Variants in MAP2K5 observed in about 807,000 individuals in gnomAD.
MAP2K5 encodes the protein mitogen-activated protein kinase kinase 5.
In MAP2K5, 49 loss-of-function variants were observed where a neutral mutation model predicts 83.1. The ratio of observed to expected loss-of-function variants is 0.59; its 90% CI spans 0.47 to 0.75. The LOEUF is 0.75. MAP2K5 is among the 30% of genes least tolerant of loss of function. The pLI, the probability that MAP2K5 is intolerant of heterozygous loss-of-function variation, is 0.00. For missense variants in MAP2K5, 457 were observed against 557.5 expected, an observed-to-expected ratio of 0.82 and a Z score of 1.82; for synonymous variants, 202 against 191.8, an observed-to-expected ratio of 1.05 and a Z score of -0.44.
intron 2 of MAP2K5, among the ~76,000 whole-genome samples, chr15:67,560,156 A>G (rs1220095015): frequency 6.6e-6 from 1 of 152,176 alleles, no homozygotes; most frequent in African/African-American, 2.4e-5. Context: ...ACCCTTCACT[A>G]ACTTTTCGTA....
intron 16 of MAP2K5, among the ~76,000 whole-genome samples, chr15:67,704,134 G>A (rs1301930537): frequency 1.3e-5 from 2 of 152,148 alleles, no homozygotes; most frequent in South Asian, 2.1e-4. Context: ...AAAAATGCAT[G>A]TAACTTATAT....
intron 8 of MAP2K5, 116 bp from the exon 9 acceptor site, chr15:67,630,772 T>G (rs1453013175): frequency 1.4e-6 from 1 of 705,034 alleles, no homozygotes; most frequent in Non-Finnish European, 2.5e-6. Context: ...TAGTGTTCTT[T>G]GAAAGTACCA....
chr15:67,603,630 C>T (rs2141030683), intron 8 of MAP2K5, among the ~76,000 whole-genome samples: 1 of 152,264 alleles, frequency 6.6e-6, no homozygotes, highest in South Asian at 2.1e-4. Flanking sequence ...CATTTTTGCT[C>T]AGGCTTCAGC....
intron 19 of MAP2K5, among the ~76,000 whole-genome samples, chr15:67,756,422 A>G (rs2089835090): frequency 6.6e-6 from 1 of 152,126 alleles, no homozygotes; most frequent in Admixed American, 6.5e-5. Flanking sequence ...TAGAAAGTAT[A>G]TATAAGGTGT....
chr15:67,620,998 ATAGGT>A lies in MAP2K5; in HGVS notation c.546-9883_546-9879del, dbSNP rs200160236. Among the ~76,000 whole-genome samples the A allele has an allele frequency of 8.5e-3, 1,288 of 152,284 alleles. 41 individuals are homozygous for A. Among genetic ancestry groups the A allele is most frequent in the Admixed American group, 0.062 (953 of 15,294 alleles). ...ATAAGTAGAGTAATATTAGCAGCTAATAGGTTAGGTTGCATTTTTTAAAATACAGT... is the reference window on the plus strand; with the variant it reads ...ATAAGTAGAGTAATATTAGCAGCTAATAGGTTGCATTTTTTAAAATACAGT... On this transcript the variant is annotated intron_variant, in intron 8 of 21. Coordinates refer to ENST00000178640, the MANE Select transcript of MAP2K5 (RefSeq NM_145160.3).
intron 16 of MAP2K5, among the ~76,000 whole-genome samples, chr15:67,718,759 A>G (rs1206487748): frequency 6.6e-6 from 1 of 152,156 alleles, no homozygotes; most frequent in Non-Finnish European, 1.5e-5. Flanking sequence ...GCGAGACTCC[A>G]TCTCAAAAAA....
At chr15:67,674,538 C>G (rs1239699348) in intron 13 of MAP2K5, among the ~76,000 whole-genome samples, 2 of 152,094 alleles carry the variant, frequency 1.3e-5, no homozygotes, top group Admixed American at 6.5e-5. Flanking sequence ...TGGTTTTTCT[C>G]CAGCTCTGAC....
rs1186852906 is a variant in MAP2K5 at position 67,668,082 on chromosome 15, GTTATA to G, written c.847+3440_847+3444del. Among the ~76,000 whole-genome samples the G allele has an allele frequency of 6.6e-6, 1 of 152,170 alleles. No individual in the cohort carries two copies. The highest frequency in any genetic ancestry group is 2.4e-5 in the African/African-American group (1 of 41,448). ...TGCTATTCATAATGGATCATCAAAT[GTTATA>G]TTCAGTCAGGTGTTACTATTGTTTA... On this transcript the variant is annotated intron_variant, in intron 13 of 21. Transcript: ENST00000178640. This position sits in a 1 kb window ranked among gnomAD's most constrained non-coding sequence, Gnocchi z 4.0.
rs1184662856 is a variant in MAP2K5 at position 67,763,925 on chromosome 15, G to C, written c.1135-5677G>C. On this transcript the variant is annotated intron_variant, in intron 19 of 21. Coordinates refer to ENST00000178640, the MANE Select transcript of MAP2K5 (RefSeq NM_145160.3). ...CCAGTGCCTAAGAGTAGACATTGTT[G>C]GGCCAGGGCAAAGGAACGTCAGACA... Among the ~76,000 whole-genome samples, 6 of 152,132 alleles carry C rather than the reference G, an allele frequency of 3.9e-5. No homozygotes were observed. In the East Asian group the frequency reaches 1.2e-3, roughly 29 times the overall value.
chr15:67,656,016 TTTTCA>T (rs2087065652), intron 11 of MAP2K5, among the ~76,000 whole-genome samples: 2 of 152,184 alleles, frequency 1.3e-5, no homozygotes, highest in African/African-American at 4.8e-5. Context: ...TCTCCAAAAA[TTTTCA>T]TTTCAGTTAT....
intron 8 of MAP2K5, among the ~76,000 whole-genome samples, chr15:67,605,078 G>A (rs1033867421): frequency 4.1e-5 from 6 of 144,960 alleles, no homozygotes; most frequent in African/African-American, 1.5e-4. Flanking sequence ...TTTTGAGACA[G>A]AGTCTCGCTC....
At chr15:67,560,401 A>C (rs1182832058) in intron 2 of MAP2K5, among the ~76,000 whole-genome samples, 1 of 152,276 alleles carries the variant, frequency 6.6e-6, no homozygotes, top group Non-Finnish European at 1.5e-5. Context: ...CAAATCAGAC[A>C]GTCTCCCAAA....
chr15:67,575,746 C>T (rs1864661208), intron 3 of MAP2K5, among the ~76,000 whole-genome samples: 1 of 151,968 alleles, frequency 6.6e-6, no homozygotes, highest in African/African-American at 2.4e-5. Flanking sequence ...GGTGATGATA[C>T]TTATAGAATA....
intron 8 of MAP2K5, chr15:67,629,031 G>T: frequency 1.3e-6 from 1 of 752,044 alleles, no homozygotes. Context: ...CAGAAGCTCT[G>T]GCCCCTATGG....
At chr15:67,569,391 A>T (rs960234552) in intron 3 of MAP2K5, among the ~76,000 whole-genome samples, 1 of 152,274 alleles carries the variant, frequency 6.6e-6, no homozygotes, top group African/African-American at 2.4e-5. Flanking sequence ...AGAATGAGAA[A>T]GGGAAACTGA....
intron 3 of MAP2K5, among the ~76,000 whole-genome samples, chr15:67,567,610 C>G (rs755467558): frequency 1.3e-5 from 2 of 151,622 alleles, no homozygotes; most frequent in African/African-American, 4.9e-5. Context: ...ATGATCCACC[C>G]GCCTCGGCCT....
At chr15:67,564,599 A>G (rs746622141) in intron 3 of MAP2K5, among the ~76,000 whole-genome samples, 1 of 152,208 alleles carries the variant, frequency 6.6e-6, no homozygotes. Flanking sequence ...GGAAAAGTCA[A>G]TTTCCCATTG....
At position 67,572,975 on chromosome 15, in the gene MAP2K5, C is replaced by G. The variant is rs779841508; in HGVS notation, c.253-7779C>G. Among the ~76,000 whole-genome samples, 1 of 152,244 alleles carries G rather than the reference C, an allele frequency of 6.6e-6. No individual in the cohort carries two copies. ...CCTGCCAAAGTGCTGGGATTACAGG[C>G]GTGAGCCACCGTGCCTGGCCTGATA... On this transcript the variant is annotated intron_variant, in intron 3 of 21. Transcript: ENST00000178640. The surrounding 1 kb of genome is among the most constrained non-coding windows in gnomAD (Gnocchi z 4.2).
Position 67,665,267 on chromosome 15 carries a change from A to T in MAP2K5, c.847+622A>T, listed in dbSNP as rs986927670. ...ACAGAACACATGAGAGAATAATCAGATGAGTGTTGAATATTGCAAAAGGAA... is the reference window on the plus strand; with the variant it reads ...ACAGAACACATGAGAGAATAATCAGTTGAGTGTTGAATATTGCAAAAGGAA... On this transcript the variant is annotated intron_variant, in intron 13 of 21. Transcript: ENST00000178640. This position sits in a 1 kb window ranked among gnomAD's most constrained non-coding sequence, Gnocchi z 4.2. 6.6e-6 allele frequency among the ~76,000 whole-genome samples: 1 copy of T among 152,148 alleles called. No homozygotes were observed. Among genetic ancestry groups the T allele is most frequent in the Non-Finnish European group, 1.5e-5 (1 of 68,020 alleles).
Sources: allele counts gnomAD v4.1 joint callset (sites outside exome capture counted in the v4.1 genomes callset), GRCh38; gene constraint gnomAD v4.1.1; non-coding constraint Gnocchi (gnomAD v3.1); transcripts MANE v1.5; gene names NCBI Gene and HGNC (gene_info 2026-07-23, HGNC 2026-07-21).